RGS6: variants seen among roughly 807,000 people sequenced by gnomAD.
The protein encoded by RGS6 is regulator of G protein signaling 6, also known as regulator of G-protein signaling 6.
Under a neutral mutation model 78.5 loss-of-function variants are expected in RGS6, and 30 were observed. The observed-to-expected ratio is 0.38, with a 90% CI of 0.29 to 0.52. The LOEUF is 0.52. Ranked by LOEUF, RGS6 falls within the 20% of genes least tolerant of loss-of-function variation. The pLI, the probability that RGS6 is intolerant of heterozygous loss-of-function variation, is 0.85. For synonymous variants in RGS6, 206 were observed against 206.0 expected (o/e 1.00, Z 0.00); for missense variants, 495 against 609.7 (o/e 0.81, Z 1.98).
chr14:72,508,271 A>T (rs915457391), intron 13 of RGS6, among the ~76,000 whole-genome samples: 7 of 152,178 alleles, frequency 4.6e-5, no homozygotes, highest in Non-Finnish European at 1.0e-4. Flanking sequence ...GTTGGTGAAG[A>T]AGTAGTTGGG....
intron 2 of RGS6, among the ~76,000 whole-genome samples, chr14:72,032,801 T>G (rs1327425549): frequency 1.3e-5 from 2 of 152,216 alleles, no homozygotes; most frequent in Non-Finnish European, 2.9e-5. Flanking sequence ...TTTTTAAGGC[T>G]GAATAATATT....
At chr14:71,868,033 A>G in the RGS6 span, among the ~76,000 whole-genome samples, 3 of 152,196 alleles carry the variant, frequency 2.0e-5, no homozygotes, top group Non-Finnish European at 4.4e-5. Context: ...GAGAAAACAG[A>G]AAAGTAGTTA....
At chr14:72,546,261 A>G (rs1222370696) in intron 17 of RGS6, among the ~76,000 whole-genome samples, 2 of 152,256 alleles carry the variant, frequency 1.3e-5, no homozygotes, top group Non-Finnish European at 2.9e-5. Flanking sequence ...GAAATTAGGA[A>G]AAGCATATTT....
intron 3 of RGS6, among the ~76,000 whole-genome samples, chr14:72,418,781 C>T (rs2093993678): frequency 6.6e-6 from 1 of 152,180 alleles, no homozygotes; most frequent in Non-Finnish European, 1.5e-5. Flanking sequence ...GACAAATCTG[C>T]TGAGAGGATG....
rs968386491 is a variant in RGS6 at position 72,458,352 on chromosome 14, A to G, written c.317A>G (p.Asp106Gly). The part of the protein sequence containing the change: ...PISDHVLTMK[D>G]DGTFYRFQAP... ...TCAGACCATGTTCTCACCATGAAGG[A>G]TGATGGCACCTTTTATCGTTTCCAG... The change falls in exon 5 of 18, where the codon GAT becomes GGT. Residue 106 changes from aspartate (D) to glycine (G), a missense_variant. By Grantham distance (94) the Asp-to-Gly change is moderately conservative (BLOSUM62 -1). Transcript: ENST00000553525. The G allele has an allele frequency of 6.2e-7, 1 of 1,614,118 alleles. No homozygotes were observed. The highest frequency in any genetic ancestry group is 8.5e-7 in the Non-Finnish European group (1 of 1,179,962).
intron 3 of RGS6, among the ~76,000 whole-genome samples, chr14:72,407,076 ATAAT>A (rs1486763625): frequency 1.3e-5 from 2 of 152,240 alleles, no homozygotes; most frequent in African/African-American, 4.8e-5. Flanking sequence ...CATACTGTTC[ATAAT>A]TAATTACATT....
At chr14:72,154,373 C>A (rs748966071) in intron 2 of RGS6, among the ~76,000 whole-genome samples, 1 of 152,030 alleles carries the variant, frequency 6.6e-6, no homozygotes, top group Non-Finnish European at 1.5e-5. Context: ...ATGAAGATAA[C>A]GGTATTAAGA....
At chr14:72,263,636 C>G (rs2058558256) in intron 2 of RGS6, among the ~76,000 whole-genome samples, 1 of 152,142 alleles carries the variant, frequency 6.6e-6, no homozygotes, top group Non-Finnish European at 1.5e-5. Context: ...GATTAGTGCC[C>G]TTATCAAAGA....
intron 3 of RGS6, among the ~76,000 whole-genome samples, chr14:72,403,211 C>T (rs988311579): frequency 1.3e-5 from 2 of 152,122 alleles, no homozygotes; most frequent in Non-Finnish European, 2.9e-5. Context: ...AAGTGTCCAT[C>T]GACAGATGAA....
chr14:72,524,350 C>T (rs556359489), intron 15 of RGS6, among the ~76,000 whole-genome samples: 10 of 152,308 alleles, frequency 6.6e-5, no homozygotes, highest in Admixed American at 1.3e-4. Context: ...TAGGCTGGAG[C>T]CAAGAGAGAG....
In RGS6 at chr14:72,412,308, G is replaced by A. The variant is rs576561494; in HGVS notation, c.185-42220G>A. 2.0e-5 allele frequency among the ~76,000 whole-genome samples: 3 copies of A among 152,314 alleles called. No homozygotes were observed. The South Asian group carries it at 6.2e-4, about 32-fold the overall frequency. ...GGTTTAGTCTTGGGAGGGTGTATGT[G>A]TCCAGGAATTTATCCATTTCTTCTA... On this transcript the variant is annotated intron_variant, in intron 3 of 17. Coordinates refer to ENST00000553525, the MANE Select transcript of RGS6 (RefSeq NM_001204424.2).
chr14:72,247,650 A>T (rs1481015270), intron 2 of RGS6, among the ~76,000 whole-genome samples: 6 of 152,230 alleles, frequency 3.9e-5, no homozygotes, highest in Non-Finnish European at 8.8e-5. Flanking sequence ...ATGCAATAGC[A>T]TTGGGAGGTG....
At chr14:72,255,241 A>G (rs2056820051) in intron 2 of RGS6, among the ~76,000 whole-genome samples, 1 of 152,138 alleles carries the variant, frequency 6.6e-6, no homozygotes, top group African/African-American at 2.4e-5. Context: ...GTTGTCTCAT[A>G]CCTGGCCCCA....
chr14:72,574,279 ACTT>A, the RGS6 span, among the ~76,000 whole-genome samples: 1 of 152,156 alleles, frequency 6.6e-6, no homozygotes, highest in Non-Finnish European at 1.5e-5. Flanking sequence ...AGCCCACAGA[ACTT>A]CTGCCAGTTC....
In RGS6 at chr14:72,155,089, G is replaced by A. The variant is rs572281321; in HGVS notation, c.84+190214G>A. On this transcript the variant is annotated intron_variant, in intron 2 of 17. Transcript: ENST00000553525. Reference sequence around the variant, plus strand: ...GCTTTCTGGAAAGCCAGTAAATAAGGCAGAAAAAATGTATCATTCCCTCCA... The same window carrying A: ...GCTTTCTGGAAAGCCAGTAAATAAGACAGAAAAAATGTATCATTCCCTCCA... Among the ~76,000 whole-genome samples, 21 of 152,304 alleles carry A rather than the reference G, an allele frequency of 1.4e-4. No individual in the cohort carries two copies. In the South Asian group the frequency reaches 4.4e-3, roughly 32 times the overall value.
intron 3 of RGS6, among the ~76,000 whole-genome samples, chr14:72,397,762 C>G (rs538953130): frequency 7.9e-5 from 12 of 152,028 alleles, no homozygotes; most frequent in South Asian, 4.1e-4. Flanking sequence ...TAGCATGAAG[C>G]GTTGTTGAAT....
intron 2 of RGS6, among the ~76,000 whole-genome samples, chr14:72,188,481 TC>T (rs1555531312): frequency 1.7e-4 from 1 of 5,742 alleles, no homozygotes; most frequent in Non-Finnish European, 5.5e-4. Flanking sequence ...ATAGCAGTTA[TC>T]ATCATCATCA....
At position 72,145,051 on chromosome 14, in the gene RGS6, G is replaced by A. The variant is rs1289191381; in HGVS notation, c.84+180176G>A. On this transcript the variant is annotated intron_variant, in intron 2 of 17. Coordinates refer to ENST00000553525, the MANE Select transcript of RGS6 (RefSeq NM_001204424.2). ...GTTTTTCTTGCTGTCTATGTTCCTG[G>A]GTGGAATGGCAGAATTGGTTGAGCC... Among the ~76,000 whole-genome samples, 3 of 152,058 alleles carry A rather than the reference G, an allele frequency of 2.0e-5. No homozygotes were observed. The East Asian group carries it at 5.8e-4, about 29-fold the overall frequency.
chr14:72,051,690 C>G (rs1475206427), intron 2 of RGS6, among the ~76,000 whole-genome samples: 3 of 152,098 alleles, frequency 2.0e-5, no homozygotes, highest in Non-Finnish European at 4.4e-5. Context: ...ATTTCTGTGA[C>G]ACCATCTCAT....
Sources: allele counts gnomAD v4.1 joint callset (sites outside exome capture counted in the v4.1 genomes callset), GRCh38; gene constraint gnomAD v4.1.1; transcripts MANE v1.5; gene names NCBI Gene and HGNC (gene_info 2026-07-23, HGNC 2026-07-21).